CDYL: variants seen among roughly 807,000 people sequenced by gnomAD.
CDYL encodes chromodomain Y like.
A neutral mutation model predicts 47.3 loss-of-function variants in CDYL; 8 were observed. That is an observed-to-expected ratio of 0.17 (90% CI 0.10 to 0.31). The LOEUF (loss-of-function observed/expected upper bound fraction) is 0.31. Among genes scored for constraint, CDYL ranks in the 10% least tolerant of loss-of-function variants. The pLI is 1.00. For synonymous variants in CDYL, 266 were observed against 265.0 expected (o/e 1.00, Z -0.04); for missense variants, 471 against 701.4 (o/e 0.67, Z 3.71).
Position 4,892,076 on chromosome 6 carries a change from C to A in CDYL, c.388C>A (p.Arg130=), listed in dbSNP as rs374024219. 1.2e-6 allele frequency: 2 copies of A among 1,614,200 alleles called. No homozygotes were observed. Among genetic ancestry groups the A allele is most frequent in the Non-Finnish European group, 1.7e-6 (2 of 1,180,042 alleles). ...GAACACAGCTCCATCTCTCTCCAGC[C>A]GGAAGAACATGGACCTAGCGAAGTC... The part of the protein sequence containing the change: ...RKNTAPSLSS[R]KNMDLAKSGI... Residue 130 remains arginine (R), a synonymous_variant, in exon 2 of 7, where the codon CGG becomes AGG. Transcript: ENST00000397588.
At chr6:4,802,313 G>A (rs1386196798) in intron 1 of CDYL, among the ~76,000 whole-genome samples, 1 of 152,116 alleles carries the variant, frequency 6.6e-6, no homozygotes, top group African/African-American at 2.4e-5. Context: ...TGAGGCATGA[G>A]TCTCACCTGA....
intron 3 of CDYL, among the ~76,000 whole-genome samples, chr6:4,770,060 A>G (rs947863009): frequency 2.0e-5 from 3 of 150,450 alleles, no homozygotes; most frequent in Non-Finnish European, 4.4e-5. Flanking sequence ...TATGGTCTCA[A>G]TCTCTTGACC....
intron 1 of CDYL, among the ~76,000 whole-genome samples, chr6:4,833,411 A>G (rs896190208): frequency 3.3e-5 from 5 of 150,160 alleles, no homozygotes; most frequent in South Asian, 2.1e-4. Flanking sequence ...CCTGAGTTCT[A>G]GTTTGATTGC....
intron 2 of CDYL, among the ~76,000 whole-genome samples, chr6:4,900,811 A>G (rs184887938): frequency 0.041 from 4,488 of 109,082 alleles, 1,056 homozygotes; most frequent in East Asian, 0.16. Context: ...ATATATATAT[A>G]TATATATATA....
chr6:4,883,324 G>A, intron 1 of CDYL, among the ~76,000 whole-genome samples: 1 of 152,140 alleles, frequency 6.6e-6, no homozygotes. Flanking sequence ...CCCTGGTGTG[G>A]TTCTCCCAGA....
rs1430034447 is a variant in CDYL, at chr6:4,916,628, G to A, written c.692-18887G>A. ...TATCGGGGGGGGGCGGGCAGTTTCT[G>A]TCCCCTGGCCTGCCTCCCCCTCTTT... On this transcript the variant is annotated intron_variant, in intron 2 of 6. Coordinates refer to ENST00000397588, the MANE Select transcript of CDYL (RefSeq NM_004824.4). Among the ~76,000 whole-genome samples the A allele has an allele frequency of 4.6e-5, 7 of 152,176 alleles. No individual in the cohort carries two copies. In the South Asian group the frequency reaches 1.0e-3, roughly 23 times the overall value.
intron 1 of CDYL, among the ~76,000 whole-genome samples, chr6:4,817,991 T>C (rs1759720611): frequency 6.6e-6 from 1 of 152,226 alleles, no homozygotes; most frequent in Admixed American, 6.5e-5. Flanking sequence ...GTACAGTGGC[T>C]CACGCCTGTA....
At chr6:4,715,998 C>T in intron 2 of CDYL, 2 of 1,449,220 alleles carry the variant, frequency 1.4e-6, no homozygotes, top group Non-Finnish European at 1.8e-6. Context: ...CCTATAATCC[C>T]AGCACTTTGG....
chr6:4,737,878 T>G (rs1757730718), intron 3 of CDYL, among the ~76,000 whole-genome samples: 1 of 152,004 alleles, frequency 6.6e-6, no homozygotes, highest in African/African-American at 2.4e-5. Flanking sequence ...AAACGTAAAT[T>G]GAATTACATG....
At chr6:4,932,782 T>C (rs954364381) in intron 2 of CDYL, among the ~76,000 whole-genome samples, 4 of 152,194 alleles carry the variant, frequency 2.6e-5, no homozygotes, top group African/African-American at 9.7e-5. Flanking sequence ...GTGTGGTCTC[T>C]TTTTAGGCAG....
At chr6:4,794,321 GCTGAGGA>G (rs1490598362) in intron 1 of CDYL, among the ~76,000 whole-genome samples, 1 of 152,162 alleles carries the variant, frequency 6.6e-6, no homozygotes, top group Non-Finnish European at 1.5e-5. Flanking sequence ...GTTTGGTGCT[GCTGAGGA>G]CTGAGAATTG....
chr6:4,724,348 G>C (rs1039845971), intron 2 of CDYL: 1 of 152,168 alleles, frequency 6.6e-6, no homozygotes, highest in Admixed American at 6.6e-5. Flanking sequence ...ACCATGCCGA[G>C]CCTGTCCCCT....
chr6:4,881,738 T>A (rs1015950140), intron 1 of CDYL, among the ~76,000 whole-genome samples: 1 of 152,250 alleles, frequency 6.6e-6, no homozygotes, highest in Non-Finnish European at 1.5e-5. Context: ...TTATATTTAT[T>A]CACAATTTCT....
chr6:4,749,678 A>C (rs1019168739), intron 3 of CDYL, among the ~76,000 whole-genome samples: 2 of 152,268 alleles, frequency 1.3e-5, no homozygotes, highest in African/African-American at 2.4e-5. Context: ...TAATTAATAA[A>C]TGAGATGTTT....
chr6:4,849,358 T>C (rs1476314873), intron 1 of CDYL, among the ~76,000 whole-genome samples: 2 of 152,086 alleles, frequency 1.3e-5, no homozygotes, highest in African/African-American at 4.8e-5. Context: ...GCAAAATGAG[T>C]CTTTATGAAA....
At chr6:4,734,837 C>A (rs28360500) in exon 3 of CDYL, 1 of 1,613,492 alleles carries the variant, frequency 6.2e-7, no homozygotes, top group African/African-American at 1.3e-5. Flanking sequence ...CAGCCTCCCG[C>A]TTTACAGGTA....
chr6:4,786,903 A>G (rs1191337566), intron 1 of CDYL, among the ~76,000 whole-genome samples: 1 of 152,146 alleles, frequency 6.6e-6, no homozygotes, highest in Non-Finnish European at 1.5e-5. Flanking sequence ...GCCATCTGCC[A>G]GGTCCCTCGA....
chr6:4,865,003 C>T (rs531252696), intron 1 of CDYL, among the ~76,000 whole-genome samples: 4 of 152,230 alleles, frequency 2.6e-5, no homozygotes, highest in Non-Finnish European at 5.9e-5. Context: ...GTTCAGCTCT[C>T]TTATTCTTTG....
At chr6:4,752,994 C>T (rs547555387) in intron 3 of CDYL, among the ~76,000 whole-genome samples, 101 of 152,040 alleles carry the variant, frequency 6.6e-4, no homozygotes, top group Non-Finnish European at 1.1e-3. Flanking sequence ...CTTGGCTCAC[C>T]GCAGCCTCAA....
Sources: allele counts gnomAD v4.1 joint callset (sites outside exome capture counted in the v4.1 genomes callset), GRCh38; gene constraint gnomAD v4.1.1; transcripts MANE v1.5; gene names NCBI Gene and HGNC (gene_info 2026-07-23, HGNC 2026-07-21).